Variants in PSME3IP1 observed in about 807,000 individuals in gnomAD.
PSME3IP1 encodes the protein PSME3-interacting protein.
Under a neutral mutation model 34.1 loss-of-function variants are expected in PSME3IP1, and 13 were observed. The ratio of observed to expected loss-of-function variants is 0.38; its 90% CI spans 0.25 to 0.61. The LOEUF (loss-of-function observed/expected upper bound fraction) is 0.61. Among genes scored for constraint, PSME3IP1 ranks in the 20% least tolerant of loss-of-function variants. PSME3IP1 has a pLI of 0.60. For missense variants in PSME3IP1, 237 were observed against 301.4 expected, an observed-to-expected ratio of 0.79 and a Z score of 1.58; for synonymous variants, 93 against 114.3, an observed-to-expected ratio of 0.81 and a Z score of 1.19.
intron 1 of PSME3IP1, chr16:57,175,483 AG>A (rs2073092770): frequency 6.6e-6 from 1 of 152,258 alleles, no homozygotes; most frequent in African/African-American, 2.4e-5. Context: ...CAACAAAAAC[AG>A]TAAGTTTCCA....
chr16:57,162,045 C>T (rs1029059982), intron 6 of PSME3IP1, among the ~76,000 whole-genome samples: 11 of 152,040 alleles, frequency 7.2e-5, no homozygotes, highest in Admixed American at 6.6e-5. Context: ...GCTGGGATTA[C>T]AGGCATAGCC....
At chr16:57,174,306 A>G (rs1022909221) in intron 1 of PSME3IP1, 1 of 456,728 alleles carries the variant, frequency 2.2e-6, no homozygotes, top group African/African-American at 2.1e-5. Flanking sequence ...AAAAAAAAAA[A>G]ACTCTCAAAT....
rs10717048 is a variant in PSME3IP1 at position 57,182,551 on chromosome 16, T to TAAAAAAAA, written c.-16+3262_-16+3269dup. On this transcript the variant is annotated intron_variant, in intron 1 of 6. Coordinates refer to ENST00000309137, the MANE Select transcript of PSME3IP1 (RefSeq NM_024946.4). ...AACATAAGGAGATACCCATTTCCCT[T>TAAAAAAAA]AAAAAAAAAAAAAAAAAAAAAAAAA... 3.8e-3 allele frequency among the ~76,000 whole-genome samples: 291 copies of TAAAAAAAA among 76,744 alleles called. 5 individuals are homozygous for TAAAAAAAA. Among genetic ancestry groups the TAAAAAAAA allele is most frequent in the Middle Eastern group, 9.3e-3 (1 of 108 alleles). The allele number at this position is 76,744 out of a possible 152,430, so 50.3% of individuals were successfully genotyped here. A position where few individuals can be genotyped will look rare whatever the true frequency, so the allele number is the denominator to read the frequency against.
At chr16:57,168,567 C>T (rs1247597960) in intron 4 of PSME3IP1, among the ~76,000 whole-genome samples, 3 of 151,558 alleles carry the variant, frequency 2.0e-5, no homozygotes, top group South Asian at 2.1e-4. Context: ...TTTGGGAGGC[C>T]GAGGTGGGCA....
At position 57,154,437 on chromosome 16, in the gene PSME3IP1, T is replaced by C. The variant is rs367916496; in HGVS notation, c.618A>G (p.Ala206=). The C allele has an allele frequency of 2.5e-6, 4 of 1,614,056 alleles. No homozygotes were observed. The highest frequency in any genetic ancestry group is 3.4e-6 in the Non-Finnish European group (4 of 1,179,990). ...GGCCTGGGAGGATGCCGATACATAC[T>C]GCAGCAGAGGGGCAGTGGATGGAGG... is the stretch of plus-strand genomic sequence containing the variant. ...SGPSIHCPSA[A]VCIGILPGLG... Residue 206 remains alanine (A), a synonymous_variant, in exon 7 of 7, where the codon GCA becomes GCG. Transcript: ENST00000309137. The surrounding 1 kb of genome is among the most constrained non-coding windows in gnomAD (Gnocchi z 4.0).
At chr16:57,159,145 G>A (rs1351651342) in intron 6 of PSME3IP1, among the ~76,000 whole-genome samples, 1 of 152,144 alleles carries the variant, frequency 6.6e-6, no homozygotes, top group Non-Finnish European at 1.5e-5. Flanking sequence ...ACGGAAGAAT[G>A]GAAGTTAGCT....
chr16:57,185,962 G>GAA lies in PSME3IP1; in HGVS notation c.-159_-158dup, dbSNP rs796776400. On this transcript the variant is annotated 5_prime_UTR_variant, in exon 1 of 7. Coordinates refer to ENST00000309137, the MANE Select transcript of PSME3IP1 (RefSeq NM_024946.4). ...CAGAGGAAGGAATGAATGAAAGAAAGAAAAAAAAAAAGAAAATAGCCTTTG... is the reference window on the plus strand; with the variant it reads ...CAGAGGAAGGAATGAATGAAAGAAAGAAAAAAAAAAAAAGAAAATAGCCTTTG... 1 of 750,394 alleles carries GAA rather than the reference G, an allele frequency of 1.3e-6. No homozygotes were observed. The highest frequency in any genetic ancestry group is 1.6e-6 in the Non-Finnish European group (1 of 619,346). The allele number at this position is 750,394 out of a possible 1,614,324, so 46.5% of individuals were successfully genotyped here.
intron 3 of PSME3IP1, 47 bp from the exon 4 acceptor site, chr16:57,172,419 A>C: frequency 6.3e-7 from 1 of 1,584,910 alleles, no homozygotes; most frequent in Non-Finnish European, 8.5e-7. Flanking sequence ...TAAAGGGAAA[A>C]ATAAGATTTT....
intron 6 of PSME3IP1, among the ~76,000 whole-genome samples, chr16:57,158,747 A>G (rs1428849300): frequency 2.0e-5 from 3 of 152,260 alleles, no homozygotes; most frequent in African/African-American, 7.2e-5. Flanking sequence ...GAAATGCATC[A>G]TTAGACAATT....
rs1192144737 is a variant in PSME3IP1, at chr16:57,154,261, G to A, written c.*29C>T. ...ATGAACGGTCCGATCTACCCTTGGGGAGGAGCTCCCTGTGTAGGGACGGAG... is the reference window on the plus strand; with the variant it reads ...ATGAACGGTCCGATCTACCCTTGGGAAGGAGCTCCCTGTGTAGGGACGGAG... On this transcript the variant is annotated 3_prime_UTR_variant, in exon 7 of 7. Transcript: ENST00000309137. The surrounding 1 kb of genome is among the most constrained non-coding windows in gnomAD (Gnocchi z 4.0). 1 of 1,603,830 alleles carries A rather than the reference G, an allele frequency of 6.2e-7. No homozygotes were observed. The highest frequency in any genetic ancestry group is 8.5e-7 in the Non-Finnish European group (1 of 1,171,304).
At chr16:57,177,348 ATTTT>A (rs567704160) in intron 1 of PSME3IP1, among the ~76,000 whole-genome samples, 6 of 128,768 alleles carry the variant, frequency 4.7e-5, no homozygotes, top group Admixed American at 7.9e-5. Flanking sequence ...CACCTGGCTA[ATTTT>A]TTTTTTTTTT....
intron 4 of PSME3IP1, among the ~76,000 whole-genome samples, chr16:57,169,376 C>G (rs1031977231): frequency 6.6e-6 from 1 of 152,136 alleles, no homozygotes; most frequent in African/African-American, 2.4e-5. Context: ...TCAAGCAAAG[C>G]CTAGAAACAG....
chr16:57,185,825 C>T lies in PSME3IP1; in HGVS notation c.-20G>A. On this transcript the variant is annotated 5_prime_UTR_variant, in exon 1 of 7. Transcript: ENST00000309137. ...CAGGACCGAGGCCGCACTCACCTAC[C>T]GGCGCGCGGGAGGCGAGACGACCTC... The T allele has an allele frequency of 1.0e-6, 1 of 985,276 alleles. No individual in the cohort carries two copies. The highest frequency in any genetic ancestry group is 4.7e-5 in the South Asian group (1 of 21,276). The allele number at this position is 985,276 out of a possible 1,614,324, so 61.0% of individuals were successfully genotyped here.
chr16:57,165,733 G>A (rs1443087276), intron 5 of PSME3IP1, among the ~76,000 whole-genome samples: 1 of 152,112 alleles, frequency 6.6e-6, no homozygotes, highest in Non-Finnish European at 1.5e-5. Context: ...CCTGCCCCAG[G>A]AGACTACCTT....
chr16:57,177,015 C>T (rs993462097), intron 1 of PSME3IP1, among the ~76,000 whole-genome samples: 7 of 151,972 alleles, frequency 4.6e-5, no homozygotes, highest in Non-Finnish European at 8.8e-5. Context: ...CTACCATGCC[C>T]GGCTAATTTT....
intron 6 of PSME3IP1, among the ~76,000 whole-genome samples, chr16:57,156,881 T>C (rs1470414997): frequency 2.6e-5 from 4 of 152,200 alleles, no homozygotes; most frequent in Admixed American, 2.6e-4. Flanking sequence ...TTTGGCAAAG[T>C]TCTTCGAACT....
At chr16:57,163,173 GA>G (rs1161491038) in intron 6 of PSME3IP1, among the ~76,000 whole-genome samples, 188 of 146,282 alleles carry the variant, frequency 1.3e-3, no homozygotes, top group Non-Finnish European at 2.0e-3. Flanking sequence ...TCAAAAAAAA[GA>G]AAAAAAAAAG....
chr16:57,176,336 C>T (rs2073170634), intron 1 of PSME3IP1, among the ~76,000 whole-genome samples: 1 of 152,142 alleles, frequency 6.6e-6, no homozygotes, highest in African/African-American at 2.4e-5. Flanking sequence ...ACCCATTTTT[C>T]CTAGTAAATA....
intron 6 of PSME3IP1, among the ~76,000 whole-genome samples, chr16:57,158,912 C>T (rs776421865): frequency 2.0e-5 from 3 of 152,134 alleles, no homozygotes; most frequent in Non-Finnish European, 4.4e-5. Context: ...ATACAATGGT[C>T]AGTATTTGTG....
Sources: gnomAD v4.1 joint callset for allele counts (sites outside exome capture counted in the v4.1 genomes callset) on GRCh38, gnomAD v4.1.1 for gene constraint, Gnocchi (gnomAD v3.1) non-coding constraint, MANE v1.5 for transcripts, NCBI Gene and HGNC (gene_info 2026-07-23, HGNC 2026-07-21) for gene names.